KLHL32: variants seen among roughly 807,000 people sequenced by gnomAD.
KLHL32 encodes the protein kelch-like protein 32.
Under a neutral mutation model 64.8 loss-of-function variants are expected in KLHL32, and 35 were observed. The observed-to-expected ratio is 0.54, with a 90% CI of 0.41 to 0.72. The LOEUF is 0.72. Among genes scored for constraint, KLHL32 ranks in the 30% least tolerant of loss-of-function variants. The probability of loss-of-function intolerance (pLI) is 0.00; values close to 1 mark genes in which losing one functional copy is unlikely to be tolerated. For synonymous variants in KLHL32, 259 were observed against 281.0 expected (o/e 0.92, Z 0.78); for missense variants, 589 against 768.5 (o/e 0.77, Z 2.76).
chr6:96,952,060 G>C (rs1384417915), intron 1 of KLHL32, among the ~76,000 whole-genome samples: 1 of 152,052 alleles, frequency 6.6e-6, no homozygotes, highest in Non-Finnish European at 1.5e-5. Flanking sequence ...CGGTTCACTG[G>C]TGTGTCTACA....
At chr6:96,908,735 G>A in the KLHL32 span, among the ~76,000 whole-genome samples, 4,726 of 151,880 alleles carry the variant, frequency 0.031, 266 homozygotes, top group African/African-American at 0.11. Context: ...TCCACTGTCC[G>A]CACCCCCCTC....
intron 5 of KLHL32, among the ~76,000 whole-genome samples, chr6:97,071,728 A>C (rs1339488740): frequency 1.3e-5 from 2 of 152,058 alleles, no homozygotes; most frequent in African/African-American, 4.8e-5. Flanking sequence ...ATTCCACTAA[A>C]TAGTGTTGGT....
intron 3 of KLHL32, among the ~76,000 whole-genome samples, chr6:96,977,354 G>A (rs1562208178): frequency 1.3e-5 from 2 of 152,176 alleles, no homozygotes; most frequent in Admixed American, 1.3e-4. Flanking sequence ...GACTCTTAAC[G>A]AGTGTGATAG....
chr6:96,966,494 A>G (rs576098185), intron 1 of KLHL32, among the ~76,000 whole-genome samples: 1 of 152,122 alleles, frequency 6.6e-6, no homozygotes, highest in Non-Finnish European at 1.5e-5. Flanking sequence ...TTCTCTCTCT[A>G]TGTTATTTTT....
chr6:96,963,158 A>T (rs1427799058), intron 1 of KLHL32, among the ~76,000 whole-genome samples: 1 of 152,338 alleles, frequency 6.6e-6, no homozygotes, highest in East Asian at 1.9e-4. Flanking sequence ...TTCATCACAG[A>T]TACATGTGGG....
At chr6:96,918,930 C>T in the KLHL32 span, among the ~76,000 whole-genome samples, 44 of 152,242 alleles carry the variant, frequency 2.9e-4, no homozygotes, top group Non-Finnish European at 5.3e-4. Context: ...GCCATCTCTC[C>T]GCCTGTGCAG....
chr6:97,072,798 C>T (rs111811781), intron 5 of KLHL32, among the ~76,000 whole-genome samples: 1,793 of 152,234 alleles, frequency 0.012, 16 homozygotes, highest in Non-Finnish European at 0.018. Flanking sequence ...TTATATCTTC[C>T]TCCTCTTCTT....
intron 6 of KLHL32, among the ~76,000 whole-genome samples, chr6:97,108,972 G>A (rs554238086): frequency 8.5e-5 from 13 of 152,298 alleles, no homozygotes; most frequent in African/African-American, 3.1e-4. Flanking sequence ...ATACAGCTTC[G>A]TAGAGTAACT....
At chr6:96,956,788 C>T (rs1773330106) in intron 1 of KLHL32, among the ~76,000 whole-genome samples, 1 of 152,204 alleles carries the variant, frequency 6.6e-6, no homozygotes, top group Admixed American at 6.5e-5. Flanking sequence ...AGCACATGTA[C>T]ATACATACGC....
chr6:97,127,346 G>T, intron 7 of KLHL32, 58 bp from the exon 8 acceptor site: 1 of 1,380,260 alleles, frequency 7.2e-7, no homozygotes, highest in Non-Finnish European at 1.0e-6. Context: ...TCATTCTTAT[G>T]TTGGAATATC....
chr6:96,933,347 G>C lies in KLHL32; in HGVS notation c.-66+8321G>C, dbSNP rs144366035. 2.6e-5 allele frequency among the ~76,000 whole-genome samples: 4 copies of C among 152,152 alleles called. No individual in the cohort carries two copies. The East Asian group carries it at 7.7e-4, about 29-fold the overall frequency. On this transcript the variant is annotated intron_variant, in intron 1 of 10. Transcript: ENST00000369261. ...TATCCTGTGATTGCTTCAGAATTCC[G>C]TTGCCATCCATTCTTTGTTCATGTG...
At chr6:97,094,789 T>G (rs1323759950) in intron 6 of KLHL32, among the ~76,000 whole-genome samples, 1 of 152,176 alleles carries the variant, frequency 6.6e-6, no homozygotes, top group Non-Finnish European at 1.5e-5. Context: ...GTATTACTTA[T>G]GCTTCAAGAA....
chr6:96,984,371 A>C (rs1380321219), intron 3 of KLHL32, among the ~76,000 whole-genome samples: 2 of 152,140 alleles, frequency 1.3e-5, no homozygotes, highest in Non-Finnish European at 2.9e-5. Context: ...TTTGGGGTGG[A>C]GAGTTCTGTA....
At chr6:96,927,771 G>A (rs1184655633) in intron 1 of KLHL32, among the ~76,000 whole-genome samples, 1 of 152,240 alleles carries the variant, frequency 6.6e-6, no homozygotes, top group Non-Finnish European at 1.5e-5. Flanking sequence ...GAGCTATGCA[G>A]GTGTGTGTTA....
chr6:96,944,698 C>A (rs1266981936), intron 1 of KLHL32, among the ~76,000 whole-genome samples: 1 of 152,180 alleles, frequency 6.6e-6, no homozygotes, highest in Admixed American at 6.5e-5. Flanking sequence ...GTTCAAGTTG[C>A]ATGAGTAATA....
intron 1 of KLHL32, among the ~76,000 whole-genome samples, chr6:96,952,449 A>C (rs1772738367): frequency 6.6e-6 from 1 of 151,974 alleles, no homozygotes; most frequent in African/African-American, 2.4e-5. Context: ...GTGATGGCTG[A>C]CTCCATCTTG....
the KLHL32 span, among the ~76,000 whole-genome samples, chr6:96,905,191 T>C: frequency 6.6e-6 from 1 of 152,078 alleles, no homozygotes; most frequent in Non-Finnish European, 1.5e-5. Context: ...GAAAAAAAAG[T>C]GAAAAGATGC....
intron 4 of KLHL32, among the ~76,000 whole-genome samples, chr6:97,058,853 A>G (rs1788427943): frequency 6.6e-6 from 1 of 152,234 alleles, no homozygotes; most frequent in Non-Finnish European, 1.5e-5. Context: ...GCCTAATCCA[A>G]ATGTTATTGG....
chr6:97,031,093 C>T (rs1032622514), intron 3 of KLHL32, among the ~76,000 whole-genome samples: 6 of 152,144 alleles, frequency 3.9e-5, no homozygotes. Context: ...CTTTGACCTT[C>T]CTCCTGGTTT....
Sources: allele counts gnomAD v4.1 joint callset (sites outside exome capture counted in the v4.1 genomes callset), GRCh38; gene constraint gnomAD v4.1.1; transcripts MANE v1.5; gene names NCBI Gene and HGNC (gene_info 2026-07-23, HGNC 2026-07-21).